DENND1A: variants seen among roughly 807,000 people sequenced by gnomAD.
DENND1A encodes the protein DENN domain containing 1A, also known as DENN domain-containing protein 1A.
Under a neutral mutation model 113.7 loss-of-function variants are expected in DENND1A, and 51 were observed. The observed-to-expected ratio is 0.45, with a 90% CI of 0.36 to 0.57. The LOEUF (loss-of-function observed/expected upper bound fraction) is 0.57. Ranked by LOEUF, DENND1A falls within the 20% of genes least tolerant of loss-of-function variation. The pLI is 0.00. For missense variants in DENND1A, 1,258 were observed against 1,395.9 expected (o/e 0.90, Z 1.57); for synonymous variants, 565 against 570.8 (o/e 0.99, Z 0.14).
At chr9:123,639,906 C>T (rs2061937350) in intron 9 of DENND1A, among the ~76,000 whole-genome samples, 1 of 152,070 alleles carries the variant, frequency 6.6e-6, no homozygotes, top group Admixed American at 6.6e-5. Context: ...TTCACAACAG[C>T]CCTATAAGGT....
chr9:123,756,615 C>A (rs867820464), intron 5 of DENND1A, among the ~76,000 whole-genome samples: 1 of 152,156 alleles, frequency 6.6e-6, no homozygotes, highest in Non-Finnish European at 1.5e-5. Context: ...ATTAAAAGCA[C>A]TAATGATACT....
chr9:123,535,373 G>T (rs1245624799), intron 13 of DENND1A, among the ~76,000 whole-genome samples: 2 of 152,120 alleles, frequency 1.3e-5, no homozygotes, highest in African/African-American at 4.8e-5. Context: ...TTGAGTCCAG[G>T]AGTTTGAGGC....
intron 11 of DENND1A, among the ~76,000 whole-genome samples, chr9:123,591,700 A>G (rs930703216): frequency 1.3e-5 from 2 of 152,228 alleles, no homozygotes; most frequent in African/African-American, 4.8e-5. Context: ...CTGGGGAATG[A>G]GAAACGACTG....
chr9:123,653,334 A>G (rs1005326853), intron 8 of DENND1A, among the ~76,000 whole-genome samples: 1 of 152,192 alleles, frequency 6.6e-6, no homozygotes, highest in Admixed American at 6.5e-5. Flanking sequence ...TGGATGTGTA[A>G]TTGTGCAGTC....
At chr9:123,542,393 A>G (rs1250023888) in intron 13 of DENND1A, among the ~76,000 whole-genome samples, 3 of 152,180 alleles carry the variant, frequency 2.0e-5, no homozygotes, top group Admixed American at 2.0e-4. Flanking sequence ...TCTAACTTCA[A>G]GTCAAGGGGT....
intron 19 of DENND1A, among the ~76,000 whole-genome samples, chr9:123,432,262 C>A (rs2046191144): frequency 6.6e-6 from 1 of 152,168 alleles, no homozygotes; most frequent in African/African-American, 2.4e-5. Context: ...AGGAGCAAAC[C>A]CCAGCCTTGT....
intron 22 of DENND1A, 34 bp downstream of exon 22, chr9:123,387,696 C>T (rs180896029): frequency 6.3e-5 from 81 of 1,286,958 alleles, no homozygotes; most frequent in South Asian, 5.3e-4. Context: ...GTCACCAAGC[C>T]GAGCTCAGGG....
intron 5 of DENND1A, among the ~76,000 whole-genome samples, chr9:123,711,193 G>A (rs1336188530): frequency 2.6e-5 from 4 of 151,640 alleles, no homozygotes; most frequent in Non-Finnish European, 4.4e-5. Context: ...GGCCAGGTGC[G>A]GTGGCTCACA....
chr9:123,447,607 T>C (rs1449329502), intron 18 of DENND1A, among the ~76,000 whole-genome samples: 1 of 152,162 alleles, frequency 6.6e-6, no homozygotes, highest in Non-Finnish European at 1.5e-5. Context: ...AAGGTCACCA[T>C]TGCTATGCAG....
intron 5 of DENND1A, among the ~76,000 whole-genome samples, chr9:123,748,394 T>C (rs1310740985): frequency 2.0e-5 from 3 of 152,228 alleles, no homozygotes; most frequent in Admixed American, 6.5e-5. Flanking sequence ...TGGCTCATAA[T>C]TGATTGCTAG....
intron 13 of DENND1A, among the ~76,000 whole-genome samples, chr9:123,541,017 T>A (rs754339430): frequency 1.3e-5 from 2 of 152,224 alleles, no homozygotes; most frequent in Admixed American, 6.5e-5. Context: ...GCTTTCTTTT[T>A]CTGCATAACA....
At chr9:123,383,567 T>C (rs1417778698) in intron 23 of DENND1A, 88 bp downstream of exon 23, 1 of 1,530,782 alleles carries the variant, frequency 6.5e-7, no homozygotes, top group Non-Finnish European at 8.8e-7. Context: ...GTTTCTCCCT[T>C]AGTCTCTTCC....
At chr9:123,634,996 T>C (rs1445625400) in intron 9 of DENND1A, among the ~76,000 whole-genome samples, 1 of 152,210 alleles carries the variant, frequency 6.6e-6, no homozygotes, top group Non-Finnish European at 1.5e-5. Context: ...ATTAGTTTTC[T>C]CTGAGGCAAA....
intron 5 of DENND1A, among the ~76,000 whole-genome samples, chr9:123,747,170 T>C (rs1225825326): frequency 6.6e-6 from 1 of 152,138 alleles, no homozygotes. Flanking sequence ...TGCAGGACAC[T>C]GAATTTCACC....
intron 1 of DENND1A, among the ~76,000 whole-genome samples, chr9:123,908,515 A>G (rs1244860717): frequency 1.4e-5 from 2 of 144,746 alleles, no homozygotes; most frequent in Non-Finnish European, 3.0e-5. Flanking sequence ...AAAACAAACA[A>G]CCCCATCAAA....
intron 5 of DENND1A, among the ~76,000 whole-genome samples, chr9:123,746,365 T>C (rs2069506047): frequency 6.6e-6 from 1 of 152,174 alleles, no homozygotes; most frequent in Non-Finnish European, 1.5e-5. Context: ...AATATTTTTA[T>C]TATAAATCCA....
At chr9:123,662,050 G>A (rs751529665) in intron 8 of DENND1A, among the ~76,000 whole-genome samples, 6 of 152,162 alleles carry the variant, frequency 3.9e-5, no homozygotes, top group Non-Finnish European at 7.4e-5. Flanking sequence ...CAAGTGCCCA[G>A]CACAATAGAT....
chr9:123,424,039 A>G (rs904701247), intron 19 of DENND1A, among the ~76,000 whole-genome samples: 2 of 152,128 alleles, frequency 1.3e-5, no homozygotes, highest in African/African-American at 4.8e-5. Context: ...GAGGGGGTGG[A>G]GTAAGTTACG....
chr9:123,918,683 C>A (rs953566259), intron 1 of DENND1A, among the ~76,000 whole-genome samples: 3 of 152,088 alleles, frequency 2.0e-5, no homozygotes, highest in Non-Finnish European at 4.4e-5. Context: ...ATTTACCCTG[C>A]CTTTCCTATA....
Sources: allele counts gnomAD v4.1 joint callset (sites outside exome capture counted in the v4.1 genomes callset), GRCh38; gene constraint gnomAD v4.1.1; transcripts MANE v1.5; gene names NCBI Gene and HGNC (gene_info 2026-07-23, HGNC 2026-07-21).